Variants in MKLN1 observed in about 807,000 individuals in gnomAD.
MKLN1 encodes muskelin.
Under a neutral mutation model 99.0 loss-of-function variants are expected in MKLN1, and 18 were observed. The observed-to-expected ratio is 0.18, with a 90% CI of 0.13 to 0.27. MKLN1 has a LOEUF of 0.27. MKLN1 is among the 10% of genes least tolerant of loss of function. The pLI, the probability that MKLN1 is intolerant of heterozygous loss-of-function variation, is 1.00. For synonymous variants in MKLN1, 288 were observed against 293.2 expected, an observed-to-expected ratio of 0.98 and a Z score of 0.18; for missense variants, 621 against 875.9, an observed-to-expected ratio of 0.71 and a Z score of 3.67.
intron 3 of MKLN1, among the ~76,000 whole-genome samples, chr7:131,217,752 TTTGAAGAAATAC>T (rs1797004968): frequency 6.6e-6 from 1 of 152,068 alleles, no homozygotes; most frequent in African/African-American, 2.4e-5. Flanking sequence ...AGAGTGTTAG[TTTGAAGAAATAC>T]TTGTACCCCT....
chr7:131,492,239 T>C lies in MKLN1; in HGVS notation c.*4511T>C, dbSNP rs1030637347. 1 of 152,214 alleles carries C rather than the reference T, an allele frequency of 6.6e-6. No homozygotes were observed. The highest frequency in any genetic ancestry group is 6.5e-5 in the Admixed American group (1 of 15,282). The allele number at this position is 152,214 out of a possible 1,614,324, so 9.4% of individuals were successfully genotyped here. On this transcript the variant is annotated 3_prime_UTR_variant, in exon 18 of 18. Transcript: ENST00000352689. ...TTCTTTTTATTGTATTTTTTAACCT[T>C]TTTGTTTCTATTCCTACCTCCCATG...
intron 1 of MKLN1, among the ~76,000 whole-genome samples, chr7:131,369,708 A>G (rs1443460928): frequency 6.6e-6 from 1 of 152,236 alleles, no homozygotes; most frequent in Non-Finnish European, 1.5e-5. Context: ...AAGTTTTAAT[A>G]TAATCAAATA....
At chr7:131,410,817 T>G (rs1794851983) in intron 6 of MKLN1, among the ~76,000 whole-genome samples, 1 of 152,210 alleles carries the variant, frequency 6.6e-6, no homozygotes, top group South Asian at 2.1e-4. Flanking sequence ...ATAGAAATGA[T>G]TTTTTAAAGA....
chr7:131,361,019 AT>A (rs2116800622), intron 1 of MKLN1, among the ~76,000 whole-genome samples: 1 of 152,016 alleles, frequency 6.6e-6, no homozygotes, highest in South Asian at 2.1e-4. Flanking sequence ...ATCCAATGTA[AT>A]TCTTCTCCTT....
chr7:131,437,252 G>A (rs1339932958), intron 9 of MKLN1, among the ~76,000 whole-genome samples: 1 of 151,948 alleles, frequency 6.6e-6, no homozygotes, highest in Non-Finnish European at 1.5e-5. Flanking sequence ...AGTCCCTGGT[G>A]TGTGATGTTC....
chr7:131,478,685 T>C lies in MKLN1; in HGVS notation c.2086+8T>C, dbSNP rs367581511. On this transcript the variant is annotated splice_region_variant and intron_variant, in intron 17 of 17. Coordinates refer to ENST00000352689, the MANE Select transcript of MKLN1 (RefSeq NM_013255.5). The stretch of plus-strand genomic sequence containing the variant: ...CAGATTTTACAGCTCTGGGTAAGTA[T>C]TGCAGTATAATTTATCCAGCTAGAT... The C allele has an allele frequency of 6.1e-5, 98 of 1,609,634 alleles. No individual in the cohort carries two copies. The highest frequency in any genetic ancestry group is 1.6e-4 in the Middle Eastern group (1 of 6,072).
chr7:131,133,353 C>CTTTTTTTTTTTTTTTTTTTTTTTTT (rs1198245681), intron 1 of MKLN1, among the ~76,000 whole-genome samples: 1 of 93,634 alleles, frequency 1.1e-5, no homozygotes, highest in African/African-American at 4.2e-5. Context: ...TTCTTTCTTT[C>CTTTTTTTTTTTTTTTTTTTTTTTTT]TTTTTTTTTT....
chr7:131,388,869 A>G lies in MKLN1; in HGVS notation c.312-15A>G, dbSNP rs370890602. 4.7e-5 allele frequency: 74 copies of G among 1,574,222 alleles called. No individual in the cohort carries two copies. In the African/African-American group the frequency reaches 7.6e-4, roughly 16 times the overall value. On this transcript the variant is annotated splice_polypyrimidine_tract_variant and intron_variant, in intron 3 of 17. Coordinates refer to ENST00000352689, the MANE Select transcript of MKLN1 (RefSeq NM_013255.5). Reference sequence around the variant, plus strand: ...TTATGAAGTCAGATTTAATAGCCTTATTTTTTTCCCACAGTGGCTTAAAGA... The same window carrying G: ...TTATGAAGTCAGATTTAATAGCCTTGTTTTTTTCCCACAGTGGCTTAAAGA...
intron 2 of MKLN1, among the ~76,000 whole-genome samples, chr7:131,154,046 C>T (rs901597754): frequency 9.2e-5 from 14 of 151,892 alleles, no homozygotes; most frequent in Admixed American, 1.3e-4. Context: ...TGTGAGTCTA[C>T]GATGCTACCA....
At chr7:131,162,919 TCA>T (rs1458294149) in intron 2 of MKLN1, among the ~76,000 whole-genome samples, 9 of 152,244 alleles carry the variant, frequency 5.9e-5, no homozygotes, top group African/African-American at 2.2e-4. Flanking sequence ...AAATGTTAAA[TCA>T]CACATGTGGC....
chr7:131,240,386 C>T (rs1343179926), intron 3 of MKLN1, among the ~76,000 whole-genome samples: 1 of 152,044 alleles, frequency 6.6e-6, no homozygotes, highest in African/African-American at 2.4e-5. Flanking sequence ...AAGGCAAATA[C>T]TCAAATATAA....
intron 3 of MKLN1, among the ~76,000 whole-genome samples, chr7:131,229,990 T>C (rs887369834): frequency 2.0e-5 from 3 of 152,210 alleles, no homozygotes; most frequent in Non-Finnish European, 2.9e-5. Flanking sequence ...GGGTAAAATA[T>C]TTTGATTTCC....
intron 9 of MKLN1, among the ~76,000 whole-genome samples, chr7:131,435,187 A>G (rs1245870213): frequency 6.6e-6 from 1 of 152,202 alleles, no homozygotes; most frequent in East Asian, 1.9e-4. Context: ...TGTAAAATCA[A>G]CTTTACATTC....
chr7:131,191,990 G>A (rs1353749627), intron 2 of MKLN1, among the ~76,000 whole-genome samples: 2 of 146,504 alleles, frequency 1.4e-5, no homozygotes, highest in Non-Finnish European at 3.0e-5. Context: ...AAAGTGCTAG[G>A]ATTATAGGTA....
intron 2 of MKLN1, among the ~76,000 whole-genome samples, chr7:131,196,352 A>G (rs936001450): frequency 1.3e-5 from 2 of 152,164 alleles, no homozygotes; most frequent in African/African-American, 4.8e-5. Flanking sequence ...AAGCTTAAGG[A>G]TTTTTATGTC....
At chr7:131,378,504 C>T (rs1793734800) in intron 2 of MKLN1, among the ~76,000 whole-genome samples, 1 of 152,124 alleles carries the variant, frequency 6.6e-6, no homozygotes, top group Admixed American at 6.6e-5. Context: ...CACTCTTGAT[C>T]TGAAAGTTCC....
At chr7:131,295,553 A>AG (rs879399156) in intron 3 of MKLN1, among the ~76,000 whole-genome samples, 3 of 151,838 alleles carry the variant, frequency 2.0e-5, no homozygotes, top group African/African-American at 7.3e-5. Flanking sequence ...AAAAGAAAAA[A>AG]AAAGGCATAA....
In MKLN1 at chr7:131,242,977, G is replaced by A. The variant is rs914900303; in HGVS notation, c.-179+40003G>A. The A allele has an allele frequency of 3.0e-5, 19 of 628,332 alleles. 1 individual carries two copies. The highest frequency in any genetic ancestry group is 1.1e-4 in the East Asian group (3 of 27,472). 38.9% of individuals were successfully genotyped at this position (628,332 alleles called of 1,614,324 possible). ...AGATACAAGACAGGCAAGAACAAGCGGTTCTTCCAGAAGCTGCGGTTTTAG... is the reference window on the plus strand; with the variant it reads ...AGATACAAGACAGGCAAGAACAAGCAGTTCTTCCAGAAGCTGCGGTTTTAG... On this transcript the variant is annotated intron_variant, in intron 3 of 7. Coordinates refer to the MKLN1 transcript ENST00000416992.
intron 2 of MKLN1, among the ~76,000 whole-genome samples, chr7:131,148,468 A>G (rs1795845033): frequency 1.3e-5 from 2 of 152,182 alleles, no homozygotes; most frequent in Admixed American, 1.3e-4. Flanking sequence ...CATAATAAAA[A>G]TTATTGGATT....
Sources: gnomAD v4.1 joint callset for allele counts (sites outside exome capture counted in the v4.1 genomes callset) on GRCh38, gnomAD v4.1.1 for gene constraint, MANE v1.5 for transcripts, NCBI Gene and HGNC (gene_info 2026-07-23, HGNC 2026-07-21) for gene names.